Variants in TMEM14C observed in about 807,000 individuals in gnomAD.
TMEM14C encodes the protein transmembrane protein 14C.
In TMEM14C, 13 loss-of-function variants were observed where a neutral mutation model predicts 14.8. That is an observed-to-expected ratio of 0.88 (90% CI 0.57 to 1.40). TMEM14C has a LOEUF of 1.40. Ranked by LOEUF, TMEM14C falls within the 40% of genes most tolerant of loss-of-function variation. The pLI is 0.00. For synonymous variants in TMEM14C, 57 were observed against 51.3 expected (o/e 1.11, Z -0.48); for missense variants, 142 against 138.8 (o/e 1.02, Z -0.12).
Position 10,730,639 on chromosome 6 carries a change from A to G in TMEM14C, c.312A>G (p.Gly104=). ...GASLLMVAKV[G]VSMFNRPH Reference sequence around the variant, plus strand: ...GTTTGCTGATGGTCGCCAAAGTTGGAGTTAGTATGTTCAACAGACCCCATT... The same window carrying G: ...GTTTGCTGATGGTCGCCAAAGTTGGGGTTAGTATGTTCAACAGACCCCATT... The change falls in exon 6 of 6, where the codon GGA becomes GGG. Residue 104 remains glycine, a synonymous_variant. Transcript: ENST00000229563. 1 of 1,612,330 alleles carries G rather than the reference A, an allele frequency of 6.2e-7. No individual in the cohort carries two copies. The highest frequency in any genetic ancestry group is 1.1e-5 in the South Asian group (1 of 90,924).
At chr6:10,728,581 G>C in intron 4 of TMEM14C, 59 bp from the exon 5 acceptor site, 1 of 1,576,668 alleles carries the variant, frequency 6.3e-7, no homozygotes, top group Non-Finnish European at 8.7e-7. Flanking sequence ...GCCCACTTCT[G>C]ATTCCCCTGC....
intron 4 of TMEM14C, among the ~76,000 whole-genome samples, chr6:10,727,012 T>C (rs529483805): frequency 6.6e-6 from 1 of 152,284 alleles, no homozygotes; most frequent in Non-Finnish European, 1.5e-5. Context: ...CAGCTCTGCC[T>C]AACAGCTCCC....
At chr6:10,727,304 G>C (rs908237408) in intron 4 of TMEM14C, among the ~76,000 whole-genome samples, 7 of 151,910 alleles carry the variant, frequency 4.6e-5, no homozygotes, top group Non-Finnish European at 4.4e-5. Flanking sequence ...GTGGATCCCC[G>C]CATTGATATT....
chr6:10,728,328 G>A (rs1250489055), intron 4 of TMEM14C, among the ~76,000 whole-genome samples: 5 of 136,490 alleles, frequency 3.7e-5, no homozygotes, highest in African/African-American at 1.3e-4. Context: ...TCTGCAGGGC[G>A]TGAGAAACAG....
intron 5 of TMEM14C, among the ~76,000 whole-genome samples, chr6:10,729,201 C>T (rs1336703953): frequency 6.6e-6 from 1 of 152,122 alleles, no homozygotes; most frequent in Non-Finnish European, 1.5e-5. Context: ...GCGTGATCTC[C>T]GCTCACTGCA....
intron 5 of TMEM14C, among the ~76,000 whole-genome samples, chr6:10,729,342 C>T (rs1770963828): frequency 1.3e-5 from 2 of 152,140 alleles, no homozygotes; most frequent in Non-Finnish European, 2.9e-5. Flanking sequence ...ACCACATTGG[C>T]CAGGCTGGTC....
At position 10,731,124 on chromosome 6, in the gene TMEM14C, A is replaced by G. The variant is rs1371013986; in HGVS notation, c.*458A>G. The G allele has an allele frequency of 1.0e-6, 1 of 982,788 alleles. No individual in the cohort carries two copies. Among genetic ancestry groups the G allele is most frequent in the Non-Finnish European group, 1.2e-6 (1 of 827,580 alleles). 60.9% of individuals were successfully genotyped at this position (982,788 alleles called of 1,614,324 possible). On this transcript the variant is annotated 3_prime_UTR_variant, in exon 6 of 6. Coordinates refer to ENST00000229563, the MANE Select transcript of TMEM14C (RefSeq NM_016462.4). ...TCAATGAAAATAAAGTTTACTATAA[A>G]TAATATTTCCTATGGGGTCTTCATT...
chr6:10,724,451 C>T (rs1362680711), intron 1 of TMEM14C, 119 bp from the exon 2 acceptor site: 2 of 670,652 alleles, frequency 3.0e-6, no homozygotes, highest in Middle Eastern at 3.1e-4. Context: ...GTGTTATCCT[C>T]ATGGTACAGT....
chr6:10,723,842 G>A (rs1770769935), intron 1 of TMEM14C, among the ~76,000 whole-genome samples: 2 of 152,212 alleles, frequency 1.3e-5, no homozygotes, highest in South Asian at 4.1e-4. Context: ...AACCCCAGGT[G>A]ATCCGCCCGC....
intron 4 of TMEM14C, among the ~76,000 whole-genome samples, chr6:10,727,595 G>T (rs961460583): frequency 3.9e-5 from 6 of 152,246 alleles, no homozygotes; most frequent in Admixed American, 2.6e-4. Flanking sequence ...GCCAAGGAGG[G>T]TGGATTGCCT....
chr6:10,730,497 T>C lies in TMEM14C; in HGVS notation c.288-118T>C, dbSNP rs2297920. 2.0e-3 allele frequency: 1,917 copies of C among 946,966 alleles called. 55 individuals are homozygous for C. The East Asian group carries it at 0.043, about 21-fold the overall frequency. The allele number at this position is 946,966 out of a possible 1,614,324, so 58.7% of individuals were successfully genotyped here. A position where few individuals can be genotyped will look rare whatever the true frequency, so the allele number is the denominator to read the frequency against. ...GATGGAAATTTACCCCTGACCACTC[T>C]TGCCTTAGTACCTCCTCCCCCACGC... On this transcript the variant is annotated intron_variant, in intron 5 of 5. Transcript: ENST00000229563.
At chr6:10,726,796 G>C (rs1048430825) in intron 4 of TMEM14C, among the ~76,000 whole-genome samples, 1 of 152,248 alleles carries the variant, frequency 6.6e-6, no homozygotes, top group Non-Finnish European at 1.5e-5. Flanking sequence ...TATCAGAGTG[G>C]CTTTCAGTAC....
chr6:10,725,742 GATAGC>G, intron 3 of TMEM14C, among the ~76,000 whole-genome samples, 160 bp from the exon 4 acceptor site: 1 of 152,122 alleles, frequency 6.6e-6, no homozygotes, highest in South Asian at 2.1e-4. Context: ...TCTCTGAGAA[GATAGC>G]ACACTCTCTG....
intron 4 of TMEM14C, among the ~76,000 whole-genome samples, chr6:10,726,655 C>T (rs1770870920): frequency 6.6e-6 from 1 of 152,210 alleles, no homozygotes; most frequent in South Asian, 2.1e-4. Context: ...CACACCACTG[C>T]ACTCCAGCCT....
intron 5 of TMEM14C, chr6:10,728,992 A>C (rs1461017640): frequency 2.7e-6 from 2 of 734,752 alleles, no homozygotes; most frequent in Non-Finnish European, 4.2e-6. Context: ...ATGGTGGCAG[A>C]AGTTTTAGTG....
chr6:10,728,661 G>A lies in TMEM14C; in HGVS notation c.221G>A (p.Gly74Asp). The change falls in exon 5 of 6, where the codon GGC becomes GAC. Residue 74 changes from glycine to aspartate, a missense_variant. Coordinates refer to ENST00000229563, the MANE Select transcript of TMEM14C (RefSeq NM_016462.4). Reference protein sequence around the residue: ...VFLATSGTLAGIMGMRFYHSG... With the variant: ...VFLATSGTLADIMGMRFYHSG... ...TCAGCTACATCTGGTACCTTGGCTG[G>A]CATTATGGGAATGAGGTTCTACCAC... 1 of 1,614,140 alleles carries A rather than the reference G, an allele frequency of 6.2e-7. No individual in the cohort carries two copies. The highest frequency in any genetic ancestry group is 8.5e-7 in the Non-Finnish European group (1 of 1,180,024).
chr6:10,725,781 C>T, intron 3 of TMEM14C, 126 bp from the exon 4 acceptor site: 1 of 1,142,812 alleles, frequency 8.8e-7, no homozygotes, highest in Non-Finnish European at 1.2e-6. Context: ...CTTGAGTCCA[C>T]CTTGGCTATG....
chr6:10,725,354 T>C (rs1770826432), intron 3 of TMEM14C, among the ~76,000 whole-genome samples: 1 of 152,206 alleles, frequency 6.6e-6, no homozygotes, highest in Admixed American at 6.5e-5. Flanking sequence ...TGGGCTCAAG[T>C]AGGAGGAAAC....
At position 10,725,833 on chromosome 6, in the gene TMEM14C, C is replaced by T. The variant is rs2127487944; in HGVS notation, c.98-74C>T. 2.5e-6 allele frequency: 4 copies of T among 1,579,678 alleles called. No homozygotes were observed. The East Asian group carries it at 6.7e-5, about 27-fold the overall frequency. On this transcript the variant is annotated intron_variant, in intron 3 of 5. Transcript: ENST00000229563. ...CTCTGTGCTGTCCTCCTTTGTAGGGCAGCGGTCTGGGGGATTCCGTTAGTG... is the reference window on the plus strand; with the variant it reads ...CTCTGTGCTGTCCTCCTTTGTAGGGTAGCGGTCTGGGGGATTCCGTTAGTG...
Sources: allele counts gnomAD v4.1 joint callset (sites outside exome capture counted in the v4.1 genomes callset), GRCh38; gene constraint gnomAD v4.1.1; transcripts MANE v1.5; gene names NCBI Gene and HGNC (gene_info 2026-07-23, HGNC 2026-07-21).